UBE2L3: variants seen among roughly 807,000 people sequenced by gnomAD.
The protein encoded by UBE2L3 is ubiquitin conjugating enzyme E2 L3, also known as ubiquitin-conjugating enzyme E2 L3.
Under a neutral mutation model 17.8 loss-of-function variants are expected in UBE2L3, and 1 was observed. The ratio of observed to expected loss-of-function variants is 0.06; its 90% confidence interval spans 0.02 to 0.27. The LOEUF (loss-of-function observed/expected upper bound fraction) is 0.27. UBE2L3 is among the 10% of genes least tolerant of loss of function. UBE2L3 has a pLI of 1.00. For synonymous variants in UBE2L3, 44 were observed against 68.5 expected (o/e 0.64, Z 1.76); for missense variants, 40 against 192.6 (o/e 0.21, Z 4.69).
At chr22:21,616,275 C>T (rs1207380772) in intron 3 of UBE2L3, among the ~76,000 whole-genome samples, 1 of 151,984 alleles carries the variant, frequency 6.6e-6, no homozygotes, top group Non-Finnish European at 1.5e-5. Context: ...TCCATTGAGA[C>T]AAAGTAGATT....
chr22:21,571,870 A>G (rs1926986071), intron 1 of UBE2L3, among the ~76,000 whole-genome samples: 2 of 152,174 alleles, frequency 1.3e-5, no homozygotes, highest in African/African-American at 4.8e-5. Flanking sequence ...TTGGGTGATT[A>G]AGGAGATAGA....
chr22:21,585,768 C>G (rs1927902017), intron 1 of UBE2L3, among the ~76,000 whole-genome samples: 1 of 152,112 alleles, frequency 6.6e-6, no homozygotes. Context: ...GGGGGGAAGT[C>G]ACCAGGCTGA....
rs564577794 is a variant in UBE2L3, at chr22:21,596,309, T to C, written c.123+3353T>C. Among the ~76,000 whole-genome samples the C allele has an allele frequency of 1.4e-4, 22 of 152,316 alleles. 1 individual carries two copies. The East Asian group carries it at 4.2e-3, about 29-fold the overall frequency. On this transcript the variant is annotated intron_variant, in intron 2 of 3. Transcript: ENST00000342192. ...TTGAATTTCTGGGCTCAAGCAATCC[T>C]CCTGAGTAGCCAGGACTACAGGTGT...
In UBE2L3 at chr22:21,578,869, G is replaced by C. The variant is rs554541006; in HGVS notation, c.27+11098G>C. Among the ~76,000 whole-genome samples, 3 of 152,228 alleles carry C rather than the reference G, an allele frequency of 2.0e-5. No homozygotes were observed. In the South Asian group the frequency reaches 6.2e-4, roughly 32 times the overall value. On this transcript the variant is annotated intron_variant, in intron 1 of 3. Coordinates refer to ENST00000342192, the MANE Select transcript of UBE2L3 (RefSeq NM_003347.4). ...AGTTCAGATGTAGATTTCTGCCTTT[G>C]ACTCCTTAGTGTTGTGCCTTTGAGC...
At position 21,616,477 on chromosome 22, in the gene UBE2L3, C is replaced by T. The variant is rs148716343; in HGVS notation, c.311-5038C>T. On this transcript the variant is annotated intron_variant, in intron 3 of 3. Transcript: ENST00000342192. ...CATCCTGGCCAACGTGGTGAAACCC[C>T]GTCCCTACTAAAAATACAAAAAAAA... 3.7e-3 allele frequency among the ~76,000 whole-genome samples: 570 copies of T among 152,074 alleles called. 4 individuals carry two copies. Among genetic ancestry groups the T allele is most frequent in the African/African-American group, 0.013 (544 of 41,462 alleles).
Position 21,621,229 on chromosome 22 carries a change from A to C in UBE2L3, c.311-286A>C, listed in dbSNP as rs577344865. On this transcript the variant is annotated intron_variant, in intron 3 of 3. Coordinates refer to ENST00000342192, the MANE Select transcript of UBE2L3 (RefSeq NM_003347.4). ...AGTGACTGAGGGCTAAGACCTCCCC[A>C]GGTGTTAGGTCAGGAAGGCTTCCTG... 5.9e-5 allele frequency among the ~76,000 whole-genome samples: 9 copies of C among 152,292 alleles called. No homozygotes were observed. In the South Asian group the frequency reaches 1.7e-3, roughly 28 times the overall value.
intron 1 of UBE2L3, among the ~76,000 whole-genome samples, chr22:21,591,068 T>C (rs1279858858): frequency 3.3e-5 from 5 of 152,186 alleles, no homozygotes; most frequent in Admixed American, 2.0e-4. Flanking sequence ...GCATTTCTTA[T>C]GAGTCTTGTG....
At chr22:21,575,592 A>G (rs1018371167) in intron 1 of UBE2L3, among the ~76,000 whole-genome samples, 17 of 149,178 alleles carry the variant, frequency 1.1e-4, no homozygotes, top group Admixed American at 2.7e-4. Context: ...CTCGAAAGAA[A>G]AAAGAGAAAA....
intron 3 of UBE2L3, among the ~76,000 whole-genome samples, chr22:21,616,689 G>C (rs1014020523): frequency 6.6e-6 from 1 of 151,194 alleles, no homozygotes; most frequent in Non-Finnish European, 1.5e-5. Flanking sequence ...GCCAGGCGTG[G>C]TGACAGGCAC....
intron 1 of UBE2L3, among the ~76,000 whole-genome samples, chr22:21,577,108 A>G (rs1349456458): frequency 2.0e-5 from 3 of 151,830 alleles, no homozygotes; most frequent in African/African-American, 7.3e-5. Flanking sequence ...AGCTGGGACT[A>G]CAGGCGCTCG....
chr22:21,578,308 C>T (rs1478197823), intron 1 of UBE2L3, among the ~76,000 whole-genome samples: 2 of 150,876 alleles, frequency 1.3e-5, no homozygotes, highest in Admixed American at 6.6e-5. Context: ...TGTAGTGAGC[C>T]GGGATTGCGC....
At chr22:21,571,548 A>G (rs1264808229) in intron 1 of UBE2L3, among the ~76,000 whole-genome samples, 1 of 152,150 alleles carries the variant, frequency 6.6e-6, no homozygotes, top group East Asian at 1.9e-4. Context: ...AGCTGATACT[A>G]TAGGTGTGCA....
chr22:21,559,297 G>C (rs1255476665), intron 1 of UBE2L3, among the ~76,000 whole-genome samples: 1 of 151,572 alleles, frequency 6.6e-6, no homozygotes, highest in East Asian at 1.9e-4. Flanking sequence ...ACAGTGAGCT[G>C]AGGTTGTGCC....
At chr22:21,568,997 ACACCACCATT>A (rs1161112402) in intron 1 of UBE2L3, among the ~76,000 whole-genome samples, 1 of 152,188 alleles carries the variant, frequency 6.6e-6, no homozygotes, top group Non-Finnish European at 1.5e-5. Flanking sequence ...TAAGCTAGTG[ACACCACCATT>A]CACCAGATAA....
intron 2 of UBE2L3, 79 bp downstream of exon 2, chr22:21,593,035 C>T: frequency 1.6e-6 from 2 of 1,246,822 alleles, no homozygotes; most frequent in Non-Finnish European, 2.3e-6. Flanking sequence ...TTTTTCTGCT[C>T]CTTAGTAGGC....
At chr22:21,560,122 A>G (rs1420106713) in intron 1 of UBE2L3, among the ~76,000 whole-genome samples, 2 of 152,116 alleles carry the variant, frequency 1.3e-5, no homozygotes, top group African/African-American at 2.4e-5. Flanking sequence ...TGCACTTTAC[A>G]AGCCTCATCG....
intron 1 of UBE2L3, among the ~76,000 whole-genome samples, chr22:21,556,008 G>A (rs1926212433): frequency 6.6e-6 from 1 of 152,262 alleles, no homozygotes; most frequent in African/African-American, 2.4e-5. Flanking sequence ...GCGGGGATGG[G>A]TGGAGTACTT....
intron 1 of UBE2L3, chr22:21,568,280 C>G (rs1926756213): frequency 1.0e-6 from 1 of 985,914 alleles, no homozygotes. Context: ...GAGAAGGAGG[C>G]CAGGCGGCCA....
chr22:21,586,609 C>T (rs977811592), intron 1 of UBE2L3, among the ~76,000 whole-genome samples: 1 of 151,038 alleles, frequency 6.6e-6, no homozygotes. Context: ...GCTCTGTCAC[C>T]CAGGCTCAAG....
Sources: allele counts gnomAD v4.1 joint callset (sites outside exome capture counted in the v4.1 genomes callset), GRCh38; gene constraint gnomAD v4.1.1; transcripts MANE v1.5; gene names NCBI Gene and HGNC (gene_info 2026-07-23, HGNC 2026-07-21).